CADM2: variants seen among roughly 807,000 people sequenced by gnomAD.
CADM2 encodes the protein cell adhesion molecule 2, also known as immunoglobulin superfamily member 4D.
In CADM2, 12 loss-of-function variants were observed where a neutral mutation model predicts 49.8. The observed-to-expected ratio is 0.24, with a 90% confidence interval of 0.15 to 0.39. The LOEUF is 0.39. Ranked by LOEUF, CADM2 falls within the 10% of genes least tolerant of loss-of-function variation. The pLI is 1.00. For synonymous variants in CADM2, 214 were observed against 175.4 expected (o/e 1.22, Z -1.74); for missense variants, 378 against 492.3 (o/e 0.77, Z 2.20).
In CADM2 at chr3:85,952,652, A is replaced by G. The variant is rs1723582162; in HGVS notation, c.792-8817A>G. 2.0e-5 allele frequency among the ~76,000 whole-genome samples: 3 copies of G among 150,982 alleles called. No homozygotes were observed. In the South Asian group the frequency reaches 6.2e-4, roughly 31 times the overall value. Reference sequence around the variant, plus strand: ...GGCACTACAGTTGCACCTGTTGTACAGACTAGAGGCTGTAAAGAGAGTTTC... The same window carrying G: ...GGCACTACAGTTGCACCTGTTGTACGGACTAGAGGCTGTAAAGAGAGTTTC... On this transcript the variant is annotated intron_variant, in intron 7 of 9. Coordinates refer to ENST00000383699, the MANE Select transcript of CADM2 (RefSeq NM_001167675.2).
chr3:85,352,573 A>T (rs2107242999), intron 1 of CADM2, among the ~76,000 whole-genome samples: 1 of 152,190 alleles, frequency 6.6e-6, no homozygotes, highest in East Asian at 1.9e-4. Flanking sequence ...ACTTTGGTTT[A>T]TCTCAGAGTT....
intron 6 of CADM2, among the ~76,000 whole-genome samples, chr3:85,933,528 T>C (rs1213526038): frequency 6.6e-6 from 1 of 152,050 alleles, no homozygotes; most frequent in Non-Finnish European, 1.5e-5. Context: ...TTGGACACCA[T>C]GTTAGGGTTC....
At chr3:85,786,272 CA>C (rs1304009050) in intron 2 of CADM2, among the ~76,000 whole-genome samples, 11 of 151,808 alleles carry the variant, frequency 7.2e-5, no homozygotes, top group African/African-American at 1.5e-4. Flanking sequence ...AAAAAGGATA[CA>C]AAAAAAGTAT....
chr3:85,561,906 T>C (rs1392927508), intron 1 of CADM2, among the ~76,000 whole-genome samples: 4 of 152,078 alleles, frequency 2.6e-5, no homozygotes, highest in African/African-American at 4.8e-5. Flanking sequence ...CACTTTTCGA[T>C]AATTAAAAAC....
intron 1 of CADM2, among the ~76,000 whole-genome samples, chr3:85,425,786 C>G (rs766933899): frequency 6.6e-6 from 1 of 152,154 alleles, no homozygotes; most frequent in Non-Finnish European, 1.5e-5. Context: ...GGTGGGACAC[C>G]AGGGGGCCAT....
At chr3:85,159,162 T>G (rs1323827683) in intron 1 of CADM2, among the ~76,000 whole-genome samples, 1 of 152,240 alleles carries the variant, frequency 6.6e-6, no homozygotes, top group East Asian at 1.9e-4. Flanking sequence ...AAAATAATTT[T>G]ACATGATTGC....
intron 1 of CADM2, among the ~76,000 whole-genome samples, chr3:85,509,736 A>G (rs906440161): frequency 6.6e-6 from 1 of 152,126 alleles, no homozygotes; most frequent in Non-Finnish European, 1.5e-5. Flanking sequence ...AAACCGCTAT[A>G]TAAATAGGTT....
chr3:85,548,420 C>T (rs2061720965), intron 1 of CADM2, among the ~76,000 whole-genome samples: 2 of 151,738 alleles, frequency 1.3e-5, no homozygotes, highest in South Asian at 4.2e-4. Flanking sequence ...ATGTGTGCCA[C>T]CCTGGCCAAC....
intron 1 of CADM2, among the ~76,000 whole-genome samples, chr3:85,274,500 G>A (rs2043313344): frequency 6.6e-6 from 1 of 151,350 alleles, no homozygotes; most frequent in Non-Finnish European, 1.5e-5. Context: ...GGATGTTTAA[G>A]TATGAATGGA....
chr3:85,676,031 CAT>C (rs1401216915), intron 1 of CADM2, among the ~76,000 whole-genome samples: 1 of 152,170 alleles, frequency 6.6e-6, no homozygotes, highest in Non-Finnish European at 1.5e-5. Flanking sequence ...TTTTGGCACT[CAT>C]GTGCACTGAA....
chr3:85,286,420 T>C (rs1056459898), intron 1 of CADM2, among the ~76,000 whole-genome samples: 13 of 152,172 alleles, frequency 8.5e-5, no homozygotes, highest in Non-Finnish European at 1.3e-4. Flanking sequence ...ATCTAGCATA[T>C]ACAGGATTGC....
At chr3:85,957,007 C>A (rs1407990224) in intron 7 of CADM2, among the ~76,000 whole-genome samples, 1 of 151,468 alleles carries the variant, frequency 6.6e-6, no homozygotes, top group Non-Finnish European at 1.5e-5. Flanking sequence ...TCTCTAAACC[C>A]CAAAGTATCA....
rs2032324409 is a variant in CADM2 at position 84,983,280 on chromosome 3, TA to T, written c.61+23614del. On this transcript the variant is annotated intron_variant, in intron 1 of 9. Transcript: ENST00000383699. ...GAAATATTTTGGACATCACATCTTT[TA>T]ATCTGTAAGTGTTATGCTAAAAATA... Among the ~76,000 whole-genome samples the T allele has an allele frequency of 2.6e-5, 4 of 152,194 alleles. No individual in the cohort carries two copies. The East Asian group carries it at 7.7e-4, about 29-fold the overall frequency.
chr3:86,017,674 G>A (rs976187207), intron 8 of CADM2, among the ~76,000 whole-genome samples: 4 of 150,724 alleles, frequency 2.7e-5, no homozygotes, highest in Admixed American at 6.6e-5. Context: ...GCTGCAGTAA[G>A]CCGAGACTGT....
rs2107674183 is a variant in CADM2 at position 85,505,449 on chromosome 3, C to T, written c.62-221073C>T. Among the ~76,000 whole-genome samples the T allele has an allele frequency of 2.0e-5, 3 of 152,224 alleles. No individual in the cohort carries two copies. The South Asian group carries it at 6.2e-4, about 32-fold the overall frequency. On this transcript the variant is annotated intron_variant, in intron 1 of 9. Transcript: ENST00000383699. ...AATAAACTGAGCCCACATTTGAGAC[C>T]TTAGGTAAAGTTCTCCTCTCTGCTG...
chr3:85,360,979 C>T (rs761908472), intron 1 of CADM2, among the ~76,000 whole-genome samples: 1 of 152,148 alleles, frequency 6.6e-6, no homozygotes, highest in Non-Finnish European at 1.5e-5. Context: ...GTTTACTTCC[C>T]GCTACCCCAG....
intron 8 of CADM2, among the ~76,000 whole-genome samples, chr3:86,007,239 G>C (rs577807642): frequency 6.6e-6 from 1 of 151,576 alleles, no homozygotes; most frequent in East Asian, 2.0e-4. Flanking sequence ...TTTATGTAAA[G>C]TATGCCTCTA....
rs561747993 is a variant in CADM2, at chr3:85,627,101, AT to A, written c.62-99411del. 7.9e-5 allele frequency among the ~76,000 whole-genome samples: 12 copies of A among 151,124 alleles called. No individual in the cohort carries two copies. In the East Asian group the frequency reaches 9.7e-4, roughly 12 times the overall value. On this transcript the variant is annotated intron_variant, in intron 1 of 9. Coordinates refer to ENST00000383699, the MANE Select transcript of CADM2 (RefSeq NM_001167675.2). ...TAACAATGAAGTAAACTTTCATTAA[AT>A]TTTTTTTTTAAAAATTCCTTCACTA...
chr3:85,738,774 T>C (rs2068253226), intron 2 of CADM2, among the ~76,000 whole-genome samples: 1 of 152,290 alleles, frequency 6.6e-6, no homozygotes, highest in South Asian at 2.1e-4. Flanking sequence ...GTAAGAGATA[T>C]ACTAAAAGAG....
Sources: gnomAD v4.1 joint callset for allele counts (sites outside exome capture counted in the v4.1 genomes callset) on GRCh38, gnomAD v4.1.1 for gene constraint, MANE v1.5 for transcripts, NCBI Gene and HGNC (gene_info 2026-07-23, HGNC 2026-07-21) for gene names.